NAALADL2: variants seen among roughly 807,000 people sequenced by gnomAD.
NAALADL2 encodes the protein N-acetylated alpha-linked acidic dipeptidase like 2, also known as inactive N-acetylated-alpha-linked acidic dipeptidase-like protein 2.
In NAALADL2, 76 loss-of-function variants were observed where a neutral mutation model predicts 87.2. The ratio of observed to expected loss-of-function variants is 0.87; its 90% CI spans 0.72 to 1.05. NAALADL2 has a LOEUF of 1.05. Ranked by LOEUF, NAALADL2 falls within the 50% of genes least tolerant of loss-of-function variation. The probability of loss-of-function intolerance (pLI) is 0.00; values close to 1 mark genes in which losing one functional copy is unlikely to be tolerated. For missense variants in NAALADL2, 1,089 were observed against 945.8 expected, an observed-to-expected ratio of 1.15 and a Z score of -1.99; for synonymous variants, 354 against 331.0, an observed-to-expected ratio of 1.07 and a Z score of -0.75.
intron 11 of NAALADL2, among the ~76,000 whole-genome samples, chr3:175,657,812 G>A (rs1321564817): frequency 1.3e-5 from 2 of 151,846 alleles, no homozygotes; most frequent in Non-Finnish European, 2.9e-5. Context: ...TCCTGACCTC[G>A]TGATCCGCCC....
rs200739734 is a variant in NAALADL2 at position 175,107,535 on chromosome 3, A to C, written c.545+10244A>C. ...ATACACACACACACACACACACACA[A>C]ACACACACACACACATCCTATACGT... is the stretch of plus-strand genomic sequence containing the variant. On this transcript the variant is annotated intron_variant, in intron 2 of 13. Transcript: ENST00000454872. Among the ~76,000 whole-genome samples, 17 of 146,146 alleles carry C rather than the reference A, an allele frequency of 1.2e-4. No homozygotes were observed. In the South Asian group the frequency reaches 2.3e-3, roughly 20 times the overall value.
chr3:174,441,219 G>T (rs1714582983), intron 1 of NAALADL2, among the ~76,000 whole-genome samples: 1 of 151,854 alleles, frequency 6.6e-6, no homozygotes, highest in Non-Finnish European at 1.5e-5. Flanking sequence ...TACGGGGGCC[G>T]AGGGGCGCCC....
chr3:174,945,920 C>T (rs537342136), intron 1 of NAALADL2, among the ~76,000 whole-genome samples: 21 of 151,956 alleles, frequency 1.4e-4, no homozygotes, highest in Non-Finnish European at 2.6e-4. Context: ...GTGGCATGCA[C>T]CTGCGGTCCC....
rs553677799 is a variant in NAALADL2, at chr3:175,059,155, G to A, written c.44-37635G>A. On this transcript the variant is annotated intron_variant, in intron 1 of 13. Transcript: ENST00000454872. ...CTATTTTACCTGTTGCTGTGTGTAC[G>A]TATTTCTTCATTTTTTTCTTTAAAC... Among the ~76,000 whole-genome samples, 5 of 150,218 alleles carry A rather than the reference G, an allele frequency of 3.3e-5. No homozygotes were observed. The South Asian group carries it at 1.0e-3, about 31-fold the overall frequency.
chr3:175,256,488 G>T lies in NAALADL2; in HGVS notation c.897G>T (p.Gln299His), dbSNP rs1279538833. ...GGAAAATAAAAAACGTAACAAATCAGATCGCACTCCTGAAATTAGGAAAAT... is the reference window on the plus strand; with the variant it reads ...GGAAAATAAAAAACGTAACAAATCATATCGCACTCCTGAAATTAGGAAAAT... ...RIRKIKNVTN[Q>H]IALLKLGKLP... The change falls in exon 4 of 14, where the codon CAG becomes CAT. Residue 299 changes from glutamine to histidine, a missense_variant. Gln to His is a conservative substitution (Grantham distance 24). Transcript: ENST00000454872. The T allele has an allele frequency of 6.2e-7, 1 of 1,613,024 alleles. No homozygotes were observed. Among genetic ancestry groups the T allele is most frequent in the Non-Finnish European group, 8.5e-7 (1 of 1,179,426 alleles).
At chr3:175,013,929 C>A (rs1031732497) in intron 1 of NAALADL2, among the ~76,000 whole-genome samples, 1 of 152,086 alleles carries the variant, frequency 6.6e-6, no homozygotes, top group Non-Finnish European at 1.5e-5. Flanking sequence ...AAACCTCGAT[C>A]TTAGGATATT....
intron 13 of NAALADL2, chr3:175,775,005 G>A (rs1750021427): frequency 6.6e-6 from 1 of 151,256 alleles, no homozygotes. Flanking sequence ...TTTTCTTATA[G>A]ATGATATACC....
At chr3:174,950,811 TCAA>T (rs1740229216) in intron 1 of NAALADL2, among the ~76,000 whole-genome samples, 1 of 152,124 alleles carries the variant, frequency 6.6e-6, no homozygotes, top group African/African-American at 2.4e-5. Context: ...AGAAATATGG[TCAA>T]ACTGAAAATT....
rs116279570 is a variant in NAALADL2, at chr3:174,693,766, G to T, written c.-114-43875G>T. On this transcript the variant is annotated intron_variant, in intron 2 of 3. Transcript: ENST00000434257. ...AAAGTTTAAAAGTTAATGTGGCATG[G>T]ATAACAATAATGACATTTGCGTGGT... 8.7e-4 allele frequency among the ~76,000 whole-genome samples: 132 copies of T among 152,204 alleles called. 2 individuals are homozygous for T. The highest frequency in any genetic ancestry group is 3.1e-3 in the African/African-American group (127 of 41,550).
chr3:175,007,534 A>G (rs1749200094), intron 1 of NAALADL2, among the ~76,000 whole-genome samples: 1 of 152,164 alleles, frequency 6.6e-6, no homozygotes, highest in Admixed American at 6.6e-5. Context: ...CCCTGGGGCT[A>G]TAGATTTAGT....
intron 9 of NAALADL2, among the ~76,000 whole-genome samples, chr3:175,489,297 A>G (rs1171998549): frequency 3.9e-5 from 6 of 152,194 alleles, no homozygotes; most frequent in Non-Finnish European, 8.8e-5. Context: ...ATCAAGCAAC[A>G]TATTTTATTA....
chr3:175,803,379 A>C lies in NAALADL2; in HGVS notation c.*176A>C, dbSNP rs1228031448. 4 of 426,202 alleles carry C rather than the reference A, an allele frequency of 9.4e-6. No individual in the cohort carries two copies. Among genetic ancestry groups the C allele is most frequent in the African/African-American group, 4.0e-5 (2 of 49,512 alleles). The allele number at this position is 426,202 out of a possible 1,614,324, so 26.4% of individuals were successfully genotyped here. ...TATAGAAAGAACATTTTGCACATTT[A>C]ATATTTTTCTTATATCTACATTTCT... On this transcript the variant is annotated 3_prime_UTR_variant, in exon 14 of 14. Transcript: ENST00000454872.
At chr3:175,196,293 C>T (rs993834942) in intron 2 of NAALADL2, among the ~76,000 whole-genome samples, 1 of 151,820 alleles carries the variant, frequency 6.6e-6, no homozygotes. Flanking sequence ...TTTCTTGCTG[C>T]CTTAAATCCT....
intron 1 of NAALADL2, among the ~76,000 whole-genome samples, chr3:174,522,911 G>A (rs1489691280): frequency 1.4e-5 from 2 of 144,194 alleles, no homozygotes; most frequent in Admixed American, 1.4e-4. Context: ...TCCAGCTTGG[G>A]CGAAAGAGCG....
At chr3:175,534,540 G>C (rs1450803485) in intron 9 of NAALADL2, among the ~76,000 whole-genome samples, 1 of 152,058 alleles carries the variant, frequency 6.6e-6, no homozygotes, top group African/African-American at 2.4e-5. Context: ...ATAAAAAGGA[G>C]CACACAATCA....
chr3:174,875,807 A>C (rs1005310013), intron 1 of NAALADL2, among the ~76,000 whole-genome samples: 1 of 152,182 alleles, frequency 6.6e-6, no homozygotes, highest in Non-Finnish European at 1.5e-5. Context: ...GGTAACGATT[A>C]AGGTGGAATG....
intron 1 of NAALADL2, among the ~76,000 whole-genome samples, chr3:174,441,350 C>T (rs1232410192): frequency 1.3e-5 from 2 of 152,196 alleles, no homozygotes; most frequent in Non-Finnish European, 2.9e-5. Context: ...CGCCCACCTC[C>T]CGAAGCCGCT....
intron 9 of NAALADL2, among the ~76,000 whole-genome samples, chr3:175,499,388 C>T (rs1277248730): frequency 6.6e-6 from 1 of 151,958 alleles, no homozygotes; most frequent in African/African-American, 2.4e-5. Flanking sequence ...GTAAGAGTCT[C>T]TTAATGCTTT....
intron 13 of NAALADL2, among the ~76,000 whole-genome samples, chr3:175,800,327 A>C (rs952778976): frequency 6.6e-6 from 1 of 152,138 alleles, no homozygotes; most frequent in African/African-American, 2.4e-5. Flanking sequence ...TCCCTCCCAT[A>C]TTCAGGGAAT....
Sources: gnomAD v4.1 joint callset for allele counts (sites outside exome capture counted in the v4.1 genomes callset) on GRCh38, gnomAD v4.1.1 for gene constraint, MANE v1.5 for transcripts, NCBI Gene and HGNC (gene_info 2026-07-23, HGNC 2026-07-21) for gene names.